AGBL2: variants seen among roughly 807,000 people sequenced by gnomAD.
AGBL2 encodes cytosolic carboxypeptidase 2.
Under a neutral mutation model 103.0 loss-of-function variants are expected in AGBL2, and 87 were observed. The ratio of observed to expected loss-of-function variants is 0.84; its 90% CI spans 0.71 to 1.01. The LOEUF (loss-of-function observed/expected upper bound fraction) is 1.01, where lower values mean the gene tolerates loss of function less well. Among genes scored for constraint, AGBL2 ranks in the 50% least tolerant of loss-of-function variants. The pLI is 0.00. For synonymous variants in AGBL2, 335 were observed against 356.7 expected (o/e 0.94, Z 0.69); for missense variants, 904 against 1,023.5 (o/e 0.88, Z 1.59).
intron 16 of AGBL2, 43 bp from the exon 17 acceptor site, chr11:47,667,106 C>T: frequency 1.5e-6 from 2 of 1,338,118 alleles, no homozygotes; most frequent in Non-Finnish European, 2.1e-6. Flanking sequence ...TTGATCTATT[C>T]AAAATTGATC....
intron 7 of AGBL2, among the ~76,000 whole-genome samples, chr11:47,703,072 T>C (rs2097504822): frequency 6.6e-6 from 1 of 152,090 alleles, no homozygotes; most frequent in African/African-American, 2.4e-5. Flanking sequence ...CATAATGTCA[T>C]AAAAAAGTCT....
rs952849390 is a variant in AGBL2, at chr11:47,714,681, T to C, written c.-31A>G. 4 of 1,611,820 alleles carry C rather than the reference T, an allele frequency of 2.5e-6. No homozygotes were observed. Among genetic ancestry groups the C allele is most frequent in the Middle Eastern group, 1.7e-4 (1 of 6,056 alleles). ...TTCTGGATGGTAGGCTGAAAACTAG[T>C]CAGTGACATTAGCATCCAGTCGCAA... On this transcript the variant is annotated 5_prime_UTR_variant, in exon 2 of 19. Coordinates refer to ENST00000525123, the MANE Select transcript of AGBL2 (RefSeq NM_024783.4).
At chr11:47,689,753 C>T (rs1464947938) in intron 10 of AGBL2, among the ~76,000 whole-genome samples, 1 of 152,132 alleles carries the variant, frequency 6.6e-6, no homozygotes, top group Non-Finnish European at 1.5e-5. Flanking sequence ...TTGTTAGCTA[C>T]TATTATTATG....
Position 47,667,002 on chromosome 11 carries a change from T to A in AGBL2, c.2402A>T (p.Asn801Ile). The change falls in exon 17 of 19, where the codon AAT becomes ATT. Residue 801 changes from asparagine (N) to isoleucine (I), a missense_variant. Transcript: ENST00000525123. ...KQPTFFKNSE[N>I]SSFLPMKNEN... Reference sequence around the variant, plus strand: ...ATTTTTCATTGGTAAAAAACTGGAATTCTCTGAGTTTTTGAAAAAGGTTGG... The same window carrying A: ...ATTTTTCATTGGTAAAAAACTGGAAATCTCTGAGTTTTTGAAAAAGGTTGG... 1 of 1,613,624 alleles carries A rather than the reference T, an allele frequency of 6.2e-7. No homozygotes were observed. The highest frequency in any genetic ancestry group is 8.5e-7 in the Non-Finnish European group (1 of 1,179,886).
chr11:47,679,673 G>A (rs1001047707), intron 13 of AGBL2, among the ~76,000 whole-genome samples: 16 of 146,118 alleles, frequency 1.1e-4, no homozygotes, highest in Admixed American at 3.5e-4. Flanking sequence ...TTTGAGTCTC[G>A]CTCTGTCCCC....
intron 7 of AGBL2, among the ~76,000 whole-genome samples, chr11:47,703,085 A>C (rs1215501943): frequency 6.6e-6 from 1 of 152,130 alleles, no homozygotes; most frequent in Non-Finnish European, 1.5e-5. Flanking sequence ...AAAAGTCTCC[A>C]CCATTCCGAC....
In AGBL2 at chr11:47,706,472, C is replaced by T. The variant is rs536583919; in HGVS notation, c.233-555G>A. Among the ~76,000 whole-genome samples the T allele has an allele frequency of 4.3e-4, 66 of 152,004 alleles. No homozygotes were observed. The South Asian group carries it at 0.011, about 26-fold the overall frequency. ...CGGAGCTTGCGGTGAGCCTAGATTG[C>T]GCCACTGCACTCCAGCCTGGGGCAC... On this transcript the variant is annotated intron_variant, in intron 4 of 18. Coordinates refer to ENST00000525123, the MANE Select transcript of AGBL2 (RefSeq NM_024783.4).
chr11:47,714,509 A>C lies in AGBL2; in HGVS notation c.33+109T>G. ...GGGATCAAGATCTCCAGCTGAGAAA[A>C]GATGCCACCAGAACATCCCTTCTCA... On this transcript the variant is annotated intron_variant, in intron 2 of 18. Transcript: ENST00000525123. 2.9e-6 allele frequency: 4 copies of C among 1,369,330 alleles called. No homozygotes were observed. In the South Asian group the frequency reaches 4.7e-5, roughly 16 times the overall value. 84.8% of individuals were successfully genotyped at this position (1,369,330 alleles called of 1,614,324 possible). A position where few individuals can be genotyped will look rare whatever the true frequency, so the allele number is the denominator to read the frequency against.
chr11:47,711,659 G>A (rs1241417451), intron 3 of AGBL2, among the ~76,000 whole-genome samples: 1 of 152,132 alleles, frequency 6.6e-6, no homozygotes, highest in Non-Finnish European at 1.5e-5. Flanking sequence ...TCCGCCTTCC[G>A]AGTAGCTGGG....
At chr11:47,675,696 A>G (rs957043166) in intron 14 of AGBL2, among the ~76,000 whole-genome samples, 7 of 151,782 alleles carry the variant, frequency 4.6e-5, no homozygotes, top group African/African-American at 1.7e-4. Flanking sequence ...GTCCCCATCT[A>G]GTGTTAAGGT....
At chr11:47,678,319 TA>T (rs1429040593) in intron 13 of AGBL2, among the ~76,000 whole-genome samples, 1 of 135,304 alleles carries the variant, frequency 7.4e-6, no homozygotes, top group Non-Finnish European at 1.7e-5. Flanking sequence ...TATTTTATTT[TA>T]TTTTATTTTA....
chr11:47,684,432 C>T (rs1019462669), intron 11 of AGBL2, among the ~76,000 whole-genome samples: 47 of 151,424 alleles, frequency 3.1e-4, no homozygotes, highest in Admixed American at 2.0e-3. Context: ...TGGCGGGTGC[C>T]TGTAATCCCA....
At chr11:47,696,521 C>T (rs1051487364) in intron 8 of AGBL2, among the ~76,000 whole-genome samples, 1 of 152,024 alleles carries the variant, frequency 6.6e-6, no homozygotes, top group African/African-American at 2.4e-5. Context: ...GCCTTGGCCT[C>T]CTAAAGTGCT....
intron 14 of AGBL2, among the ~76,000 whole-genome samples, chr11:47,675,725 G>C (rs2097372631): frequency 6.6e-6 from 1 of 151,984 alleles, no homozygotes; most frequent in Non-Finnish European, 1.5e-5. Context: ...TATCTACCAG[G>C]CTGGGCATGG....
At position 47,704,799 on chromosome 11, in the gene AGBL2, CA is replaced by C. The variant is rs987587129; in HGVS notation, c.401-72del. 3.3e-6 allele frequency: 4 copies of C among 1,200,924 alleles called. No homozygotes were observed. In the African/African-American group the frequency reaches 6.1e-5, roughly 18 times the overall value. The allele number at this position is 1,200,924 out of a possible 1,614,324, so 74.4% of individuals were successfully genotyped here. On this transcript the variant is annotated intron_variant, in intron 6 of 18. Coordinates refer to ENST00000525123, the MANE Select transcript of AGBL2 (RefSeq NM_024783.4). The stretch of plus-strand genomic sequence containing the variant: ...TGGGAACTTTACTGCTCATCTATAA[CA>C]ATGAAACTATTTTAAGCATTATATT...
At chr11:47,710,860 T>C in intron 3 of AGBL2, 1 of 459,222 alleles carries the variant, frequency 2.2e-6, no homozygotes, top group South Asian at 1.6e-5. Context: ...GAGCCTGGGA[T>C]GTGGAGGCCA....
intron 14 of AGBL2, among the ~76,000 whole-genome samples, chr11:47,676,260 C>T (rs1156787913): frequency 2.0e-5 from 3 of 152,100 alleles, no homozygotes; most frequent in East Asian, 3.9e-4. Context: ...CTCTTCTTTT[C>T]TCATGCCCAT....
intron 18 of AGBL2, among the ~76,000 whole-genome samples, chr11:47,662,685 G>T (rs1296240252): frequency 6.6e-6 from 1 of 151,934 alleles, no homozygotes; most frequent in Non-Finnish European, 1.5e-5. Context: ...ATAGAGATGG[G>T]GTTTCACCAT....
chr11:47,700,371 G>T (rs2097493428), intron 7 of AGBL2, among the ~76,000 whole-genome samples: 1 of 151,944 alleles, frequency 6.6e-6, no homozygotes, highest in South Asian at 2.1e-4. Context: ...CTGAGGTCGG[G>T]AGTTCGAGAC....
Sources: allele counts gnomAD v4.1 joint callset (sites outside exome capture counted in the v4.1 genomes callset), GRCh38; gene constraint gnomAD v4.1.1; transcripts MANE v1.5; gene names NCBI Gene and HGNC (gene_info 2026-07-23, HGNC 2026-07-21).